DTX2: variants seen among roughly 807,000 people sequenced by gnomAD.
The protein encoded by DTX2 is deltex E3 ubiquitin ligase 2, also known as probable E3 ubiquitin-protein ligase DTX2.
DTX2 carries 29 observed loss-of-function variants against 55.3 expected under a neutral mutation model. That is an observed-to-expected ratio of 0.52 (90% CI 0.39 to 0.71). The LOEUF is 0.71. DTX2 is among the 30% of genes least tolerant of loss of function. DTX2 has a pLI of 0.00. For synonymous variants in DTX2, 276 were observed against 340.4 expected, an observed-to-expected ratio of 0.81 and a Z score of 2.08; for missense variants, 537 against 822.5, an observed-to-expected ratio of 0.65 and a Z score of 4.25.
At chr7:76,503,635 C>A (rs1029017474) in intron 9 of DTX2, 48 bp downstream of exon 9, 33 of 1,515,146 alleles carry the variant, frequency 2.2e-5, no homozygotes, top group Non-Finnish European at 3.0e-5. Context: ...CCTCTTCCCA[C>A]CCCGCCCACA....
chr7:76,478,896 T>G (rs2116341727), intron 2 of DTX2: 1 of 133,918 alleles, frequency 7.5e-6, no homozygotes, highest in Non-Finnish European at 1.6e-5. Flanking sequence ...TGCAGGCCTC[T>G]TCTTATTCAG....
At chr7:76,477,001 AT>A (rs1291986944) in intron 2 of DTX2, 1 of 152,062 alleles carries the variant, frequency 6.6e-6, no homozygotes. Context: ...ATGTTGGGAC[AT>A]ACCCCGTGTG....
rs368550154 is a variant in DTX2 at position 76,503,607 on chromosome 7, C to T, written c.1551+20C>T. ...ATCCAGGTGAGGGGCCTTCTTGAGT[C>T]CCCCACTCCTGGCCACTCCTCTTCC... On this transcript the variant is annotated intron_variant, in intron 9 of 10. Coordinates refer to ENST00000430490, the MANE Select transcript of DTX2 (RefSeq NM_001102594.3). 3.1e-6 allele frequency: 5 copies of T among 1,599,970 alleles called. No homozygotes were observed. The highest frequency in any genetic ancestry group is 4.3e-6 in the Non-Finnish European group (5 of 1,170,746).
chr7:76,505,325 C>A lies in DTX2; in HGVS notation c.1642-49C>A. The stretch of plus-strand genomic sequence containing the variant: ...ACCCGTGCCTGCTCACTGAGCCCCT[C>A]TCACTCTCCGTCCCCTCCTTCCTCT... On this transcript the variant is annotated intron_variant, in intron 10 of 10. Transcript: ENST00000430490. The surrounding 1 kb of genome is among the most constrained non-coding windows in gnomAD (Gnocchi z 4.4). 1 of 1,485,518 alleles carries A rather than the reference C, an allele frequency of 6.7e-7. No individual in the cohort carries two copies. The highest frequency in any genetic ancestry group is 9.2e-7 in the Non-Finnish European group (1 of 1,092,300). 92.0% of individuals were successfully genotyped at this position (1,485,518 alleles called of 1,614,324 possible).
At chr7:76,501,189 G>A (rs1811633049) in intron 7 of DTX2, 3 of 436,276 alleles carry the variant, frequency 6.9e-6, no homozygotes, top group African/African-American at 2.0e-5. Flanking sequence ...AGTACCCAGA[G>A]ATCTTCAGAT....
intron 2 of DTX2, among the ~76,000 whole-genome samples, chr7:76,464,921 T>G (rs529710593): frequency 3.3e-5 from 5 of 150,868 alleles, no homozygotes; most frequent in African/African-American, 7.4e-5. Flanking sequence ...TCATTCTTTT[T>G]GTTGTTGTTG....
In DTX2 at chr7:76,505,668, G is replaced by A; in HGVS notation, c.*67G>A. 2 of 1,480,944 alleles carry A rather than the reference G, an allele frequency of 1.4e-6. No homozygotes were observed. The highest frequency in any genetic ancestry group is 2.5e-5 in the East Asian group (1 of 40,486). The allele number at this position is 1,480,944 out of a possible 1,614,324, so 91.7% of individuals were successfully genotyped here. ...GCCCCATGGCTGGCTGGGTGGCCAG[G>A]CAGGAAGTGCCCAGCCCGAGAGGCT... On this transcript the variant is annotated 3_prime_UTR_variant, in exon 11 of 11. Transcript: ENST00000430490. The surrounding 1 kb of genome is among the most constrained non-coding windows in gnomAD (Gnocchi z 4.4).
rs1487328731 is a variant in DTX2, at chr7:76,487,890, A to G, written c.909-4263A>G. Among the ~76,000 whole-genome samples, 6 of 125,524 alleles carry G rather than the reference A, an allele frequency of 4.8e-5. 1 individual carries two copies. Among genetic ancestry groups the G allele is most frequent in the Non-Finnish European group, 1.0e-4 (6 of 57,250 alleles). The allele number at this position is 125,524 out of a possible 152,430, so 82.3% of individuals were successfully genotyped here. ...GAGGAGGGTGCCTGAGGCCATGACT[A>G]TAGGGACTTCTCAGAGAAGGACACT... On this transcript the variant is annotated intron_variant, in intron 4 of 10. Transcript: ENST00000430490.
intron 6 of DTX2, among the ~76,000 whole-genome samples, chr7:76,498,091 G>A (rs1376962749): frequency 1.3e-5 from 2 of 152,228 alleles, no homozygotes; most frequent in African/African-American, 2.4e-5. Context: ...CCCCTGGGCT[G>A]TGGAAGTGTG....
In DTX2 at chr7:76,482,883, G is replaced by A. The variant is rs753180358; in HGVS notation, c.644G>A (p.Arg215His). The change falls in exon 4 of 11, where the codon CGC (arginine) becomes CAC (histidine). Residue 215 changes from arginine to histidine, a missense_variant. Around this residue, in one of 7 missense-constraint regions of DTX2, gnomAD observed 301 missense variants for 396.6 expected, o/e 0.76. Coordinates refer to ENST00000430490, the MANE Select transcript of DTX2 (RefSeq NM_001102594.3). ...ACTGGCCCCGTGTCAGGCCGCTACCGCCACTCCATGACCAACCTCCCTGCA... is the reference window on the plus strand; with the variant it reads ...ACTGGCCCCGTGTCAGGCCGCTACCACCACTCCATGACCAACCTCCCTGCA... ...SRTGPVSGRYRHSMTNLPAYP... is the reference protein window; with the variant it reads ...SRTGPVSGRYHHSMTNLPAYP... The A allele has an allele frequency of 1.1e-5, 17 of 1,613,698 alleles. No individual in the cohort carries two copies. The highest frequency in any genetic ancestry group is 1.3e-5 in the Non-Finnish European group (15 of 1,179,768).
chr7:76,500,104 G>A (rs1231530936), intron 6 of DTX2: 5 of 348,412 alleles, frequency 1.4e-5, no homozygotes, highest in African/African-American at 1.1e-4. Context: ...ACTCTTCCGC[G>A]CAGCCTCAGA....
chr7:76,488,090 C>T (rs1247790043), intron 4 of DTX2, among the ~76,000 whole-genome samples: 2 of 78,188 alleles, frequency 2.6e-5, no homozygotes, highest in East Asian at 3.4e-4. Context: ...GGACACACAC[C>T]GGGGAGGAAC....
chr7:76,464,908 CT>C (rs1807006388), intron 2 of DTX2, among the ~76,000 whole-genome samples: 1 of 150,786 alleles, frequency 6.6e-6, no homozygotes, highest in African/African-American at 2.5e-5. Context: ...AGGGTGTTTT[CT>C]TTCATTCTTT....
At chr7:76,463,413 G>C (rs1202875664) in intron 1 of DTX2, 132 bp from the exon 2 acceptor site, 1 of 152,320 alleles carries the variant, frequency 6.6e-6, no homozygotes, top group Admixed American at 6.5e-5. Context: ...GCTCCACCCA[G>C]GCTATTGGAA....
intron 5 of DTX2, among the ~76,000 whole-genome samples, chr7:76,495,774 A>C (rs1203492137): frequency 6.6e-6 from 1 of 152,056 alleles, no homozygotes; most frequent in East Asian, 1.9e-4. Flanking sequence ...GCAGGAGTCC[A>C]GCAGGGTGGG....
intron 9 of DTX2, 111 bp downstream of exon 9, chr7:76,503,698 C>T (rs1811998003): frequency 1.8e-6 from 2 of 1,089,890 alleles, no homozygotes; most frequent in Non-Finnish European, 1.3e-6. Context: ...TGGCCAAGCT[C>T]AGGCCCCCAG....
chr7:76,462,970 G>GTC (rs1806752175), intron 1 of DTX2, among the ~76,000 whole-genome samples: 1 of 69,534 alleles, frequency 1.4e-5, no homozygotes, highest in Non-Finnish European at 2.6e-5. Context: ...GGGAGGCTGA[G>GTC]GCAGGAGGAT....
chr7:76,477,904 T>C lies in DTX2; in HGVS notation c.-89-2517T>C, dbSNP rs568807688. 2.3e-3 allele frequency among the ~76,000 whole-genome samples: 346 copies of C among 149,012 alleles called. 2 individuals carry two copies. The highest frequency in any genetic ancestry group is 4.2e-3 in the Admixed American group (63 of 14,912). The stretch of plus-strand genomic sequence containing the variant: ...TTATTCAGCCAAGGTCACACATACA[T>C]GACTAAGAGGCAGCACAGAGAACAA... On this transcript the variant is annotated intron_variant, in intron 2 of 10. Coordinates refer to ENST00000430490, the MANE Select transcript of DTX2 (RefSeq NM_001102594.3).
chr7:76,467,874 C>T (rs1325458500), intron 2 of DTX2, among the ~76,000 whole-genome samples: 2 of 152,152 alleles, frequency 1.3e-5, no homozygotes, highest in Non-Finnish European at 2.9e-5. Flanking sequence ...TGGACAAGTG[C>T]GATGGGCATT....
Sources: allele counts gnomAD v4.1 joint callset (sites outside exome capture counted in the v4.1 genomes callset), GRCh38; gene constraint gnomAD v4.1.1; regional missense constraint gnomAD v4.1.1; non-coding constraint Gnocchi (gnomAD v3.1); transcripts MANE v1.5; gene names NCBI Gene and HGNC (gene_info 2026-07-23, HGNC 2026-07-21).